Variants in MYOM1 observed in about 807,000 individuals in gnomAD.
MYOM1 encodes the protein myomesin 1.
A neutral mutation model predicts 205.3 loss-of-function variants in MYOM1; 164 were observed. The ratio of observed to expected loss-of-function variants is 0.80; its 90% CI spans 0.70 to 0.91. The LOEUF is 0.91. Ranked by LOEUF, MYOM1 falls within the 40% of genes least tolerant of loss-of-function variation. The pLI is 0.00. For missense variants in MYOM1, 2,011 were observed against 2,127.3 expected (o/e 0.95, Z 1.08); for synonymous variants, 772 against 789.4 (o/e 0.98, Z 0.37).
intron 5 of MYOM1, among the ~76,000 whole-genome samples, chr18:3,185,180 T>C (rs528641300): frequency 7.9e-5 from 12 of 152,370 alleles, no homozygotes; most frequent in African/African-American, 2.9e-4. Context: ...GAAGTTCAGC[T>C]CTGCTTTCGT....
At chr18:3,198,613 G>A (rs187517599) in intron 2 of MYOM1, among the ~76,000 whole-genome samples, 8 of 152,036 alleles carry the variant, frequency 5.3e-5, no homozygotes, top group Non-Finnish European at 8.8e-5. Flanking sequence ...GTGAAACCCC[G>A]TCTCTACTAA....
chr18:3,117,806 G>C (rs1056208385), intron 20 of MYOM1, among the ~76,000 whole-genome samples: 3 of 152,104 alleles, frequency 2.0e-5, no homozygotes, highest in African/African-American at 7.2e-5. Flanking sequence ...TTCAATATTT[G>C]TTTGGCCCTT....
intron 19 of MYOM1, among the ~76,000 whole-genome samples, chr18:3,120,594 C>G (rs148486520): frequency 1.3e-5 from 2 of 152,200 alleles, no homozygotes; most frequent in Non-Finnish European, 2.9e-5. Flanking sequence ...AACAGACGAC[C>G]CTGCAACGCC....
chr18:3,160,216 C>A (rs1450285779), intron 10 of MYOM1, among the ~76,000 whole-genome samples: 1 of 150,068 alleles, frequency 6.7e-6, no homozygotes, highest in Non-Finnish European at 1.5e-5. Context: ...GAGACAGGGT[C>A]TCGTTCTGTC....
intron 34 of MYOM1, 49 bp downstream of exon 34, chr18:3,079,130 A>G (rs756520277): frequency 1.3e-6 from 2 of 1,588,904 alleles, no homozygotes; most frequent in Admixed American, 1.7e-5. Flanking sequence ...TTCCTTTTAA[A>G]AGGCTCATTC....
At chr18:3,090,306 G>C (rs550244988) in intron 27 of MYOM1, among the ~76,000 whole-genome samples, 1 of 144,256 alleles carries the variant, frequency 6.9e-6, no homozygotes, top group African/African-American at 2.6e-5. Context: ...TGCAATCTCT[G>C]CTTCCCGGGT....
intron 37 of MYOM1, among the ~76,000 whole-genome samples, chr18:3,069,044 A>G (rs1020461619): frequency 6.6e-6 from 1 of 152,028 alleles, no homozygotes; most frequent in Non-Finnish European, 1.5e-5. Context: ...CAAAGTGCTG[A>G]GATTACAGGC....
chr18:3,212,468 G>T (rs117719174), intron 2 of MYOM1, among the ~76,000 whole-genome samples: 3 of 152,084 alleles, frequency 2.0e-5, no homozygotes, highest in Admixed American at 2.0e-4. Context: ...TAAATATAAA[G>T]ATTGCATATG....
chr18:3,224,481 A>C (rs1394001722), upstream of MYOM1, among the ~76,000 whole-genome samples: 3 of 152,204 alleles, frequency 2.0e-5, no homozygotes, highest in Admixed American at 6.5e-5. Context: ...CTGAAAGCCC[A>C]GCCTTGGAAG....
chr18:3,232,264 A>C, the MYOM1 span, among the ~76,000 whole-genome samples: 1 of 152,038 alleles, frequency 6.6e-6, no homozygotes, highest in African/African-American at 2.4e-5. Flanking sequence ...CTGGAGGCGG[A>C]GCTTGCAGTG....
At chr18:3,213,470 T>C (rs1598776327) in intron 2 of MYOM1, among the ~76,000 whole-genome samples, 1 of 152,358 alleles carries the variant, frequency 6.6e-6, no homozygotes, top group East Asian at 1.9e-4. Flanking sequence ...ATCTTGCAAG[T>C]GTTTTTTAAT....
At chr18:3,186,183 G>A (rs905485534) in intron 5 of MYOM1, among the ~76,000 whole-genome samples, 2 of 151,988 alleles carry the variant, frequency 1.3e-5, no homozygotes, top group Non-Finnish European at 2.9e-5. Flanking sequence ...GTGACAAGGC[G>A]GGACTCTGTC....
chr18:3,102,714 AACCC>A, intron 22 of MYOM1, 84 bp from the exon 23 acceptor site: 4 of 1,447,774 alleles, frequency 2.8e-6, no homozygotes, highest in Non-Finnish European at 3.8e-6. Flanking sequence ...TCTTTACTTT[AACCC>A]TAAAGTAGGG....
Position 3,168,836 on chromosome 18 carries a change from C to A in MYOM1, c.1320G>T (p.Glu440Asp), listed in dbSNP as rs1191231862. ...ACTCACCGTTTCTGTACCACTGGATCTCTGGCTGGAAATGTTTAATTTCAG... is the reference window on the plus strand; with the variant it reads ...ACTCACCGTTTCTGTACCACTGGATATCTGGCTGGAAATGTTTAATTTCAG... ...ITPEIKHFQP[E>D]IQWYRNGVPL... The change falls in exon 9 of 38, where the codon GAG (glutamate) becomes GAT (aspartate). Residue 440 changes from glutamate (E) to aspartate (D), a missense_variant. Coordinates refer to ENST00000356443, the MANE Select transcript of MYOM1 (RefSeq NM_003803.4). 6.2e-7 allele frequency: 1 copy of A among 1,613,794 alleles called. No homozygotes were observed. Among genetic ancestry groups the A allele is most frequent in the Non-Finnish European group, 8.5e-7 (1 of 1,179,884 alleles).
intron 2 of MYOM1, among the ~76,000 whole-genome samples, chr18:3,197,800 G>A (rs1405307021): frequency 6.6e-6 from 1 of 152,104 alleles, no homozygotes; most frequent in Non-Finnish European, 1.5e-5. Flanking sequence ...GTGAACCTGG[G>A]AGGCAGAGCT....
intron 5 of MYOM1, among the ~76,000 whole-genome samples, chr18:3,186,022 C>T (rs2080804113): frequency 6.6e-6 from 1 of 152,040 alleles, no homozygotes; most frequent in African/African-American, 2.4e-5. Context: ...ACGGCAAAAC[C>T]CCGTCTCTAC....
chr18:3,149,543 G>A (rs999994940), intron 12 of MYOM1, among the ~76,000 whole-genome samples: 1 of 152,166 alleles, frequency 6.6e-6, no homozygotes, highest in Admixed American at 6.5e-5. Context: ...CCCCTCTGAA[G>A]GATAGCATGC....
At chr18:3,166,986 C>T (rs938965149) in intron 9 of MYOM1, among the ~76,000 whole-genome samples, 62 of 152,312 alleles carry the variant, frequency 4.1e-4, no homozygotes, top group African/African-American at 1.4e-3. Context: ...CTCTCCATGA[C>T]ACATCTTCTG....
In MYOM1 at chr18:3,155,328, T is replaced by C. The variant is rs941260014; in HGVS notation, c.1502-240A>G. 1.5e-3 allele frequency among the ~76,000 whole-genome samples: 229 copies of C among 152,094 alleles called. 4 individuals are homozygous for C. The highest frequency in any genetic ancestry group is 1.9e-4 in the East Asian group (1 of 5,188). On this transcript the variant is annotated intron_variant, in intron 10 of 37. Transcript: ENST00000356443. Reference sequence around the variant, plus strand: ...GCTCCACCTCCCGGGTTCACGCCATTCTCCTGCCTCAGCCTCCTGAGTAGC... The same window carrying C: ...GCTCCACCTCCCGGGTTCACGCCATCCTCCTGCCTCAGCCTCCTGAGTAGC...
Sources: allele counts gnomAD v4.1 joint callset (sites outside exome capture counted in the v4.1 genomes callset), GRCh38; gene constraint gnomAD v4.1.1; transcripts MANE v1.5; gene names NCBI Gene and HGNC (gene_info 2026-07-23, HGNC 2026-07-21).